RHBDL2: variants seen among roughly 807,000 people sequenced by gnomAD.
RHBDL2 encodes rhomboid like 2.
RHBDL2 carries 26 observed loss-of-function variants against 31.7 expected under a neutral mutation model. That is an observed-to-expected ratio of 0.82 (90% CI 0.60 to 1.14). The LOEUF is 1.14. Among genes scored for constraint, RHBDL2 ranks in the 50% most tolerant of loss-of-function variants. The pLI, the probability that RHBDL2 is intolerant of heterozygous loss-of-function variation, is 0.00. For missense variants in RHBDL2, 336 were observed against 364.4 expected (o/e 0.92, Z 0.63); for synonymous variants, 123 against 127.2 (o/e 0.97, Z 0.22).
At chr1:38,896,919 T>C (rs181524687) in intron 4 of RHBDL2, among the ~76,000 whole-genome samples, 99 of 152,256 alleles carry the variant, frequency 6.5e-4, no homozygotes, top group Non-Finnish European at 1.2e-3. Flanking sequence ...AAAGTGTCTG[T>C]CCTCAGTAAT....
intron 2 of RHBDL2, among the ~76,000 whole-genome samples, chr1:38,916,139 G>A (rs1643232530): frequency 6.6e-6 from 1 of 152,202 alleles, no homozygotes; most frequent in South Asian, 2.1e-4. Context: ...ACTTGCCAGG[G>A]GAGAGACCTG....
intron 3 of RHBDL2, among the ~76,000 whole-genome samples, chr1:38,913,860 T>C (rs1332547467): frequency 6.6e-6 from 1 of 152,186 alleles, no homozygotes; most frequent in Non-Finnish European, 1.5e-5. Flanking sequence ...GGCTCACGCC[T>C]GTAATCCCAG....
chr1:38,908,513 C>CAAAAA (rs35185971), intron 4 of RHBDL2, among the ~76,000 whole-genome samples: 2 of 66,876 alleles, frequency 3.0e-5, no homozygotes, highest in African/African-American at 6.0e-5. Context: ...ACTCCGTCTC[C>CAAAAA]AAAAAAAAAA....
intron 5 of RHBDL2, among the ~76,000 whole-genome samples, chr1:38,894,945 T>G (rs1447862546): frequency 2.6e-5 from 4 of 152,166 alleles, no homozygotes; most frequent in Non-Finnish European, 5.9e-5. Flanking sequence ...GACCTCATGA[T>G]CCACTCACCT....
intron 3 of RHBDL2, among the ~76,000 whole-genome samples, chr1:38,912,393 C>T (rs1225409573): frequency 3.3e-5 from 5 of 151,222 alleles, no homozygotes; most frequent in Admixed American, 2.6e-4. Context: ...GCATGAGCCA[C>T]CGCGCCTGGC....
chr1:38,934,086 G>T lies in RHBDL2; in HGVS notation c.-126+7596C>A, dbSNP rs1007893901. On this transcript the variant is annotated intron_variant, in intron 1 of 7. Transcript: ENST00000372990. ...AAGAATGTCAGGTGTGGTGGCTGAC[G>T]CATATAATCCCAGCACTTTGGGAAA... is the stretch of plus-strand genomic sequence containing the variant. Among the ~76,000 whole-genome samples, 8 of 152,074 alleles carry T rather than the reference G, an allele frequency of 5.3e-5. 1 individual carries two copies. The highest frequency in any genetic ancestry group is 1.0e-4 in the Non-Finnish European group (7 of 68,022).
At chr1:38,932,069 A>T (rs1643444973) in intron 1 of RHBDL2, among the ~76,000 whole-genome samples, 1 of 152,048 alleles carries the variant, frequency 6.6e-6, no homozygotes, top group Non-Finnish European at 1.5e-5. Context: ...CTCCTTTGGG[A>T]ATGCTTCCTC....
chr1:38,901,588 C>G (rs563200796), intron 4 of RHBDL2, among the ~76,000 whole-genome samples: 1 of 151,838 alleles, frequency 6.6e-6, no homozygotes, highest in Admixed American at 6.5e-5. Flanking sequence ...ATAATCCCAG[C>G]ACTTTGGGAG....
intron 4 of RHBDL2, among the ~76,000 whole-genome samples, chr1:38,904,902 G>T (rs1361406897): frequency 6.7e-6 from 1 of 149,206 alleles, no homozygotes; most frequent in Non-Finnish European, 1.5e-5. Flanking sequence ...GTGGTAGCGG[G>T]CGCCTGTAGT....
chr1:38,901,103 T>C (rs991057220), intron 4 of RHBDL2, among the ~76,000 whole-genome samples: 1 of 151,568 alleles, frequency 6.6e-6, no homozygotes, highest in Non-Finnish European at 1.5e-5. Flanking sequence ...ATTAAAAAAG[T>C]ATTTACAGGA....
At position 38,932,027 on chromosome 1, in the gene RHBDL2, G is replaced by A. The variant is rs78346878; in HGVS notation, c.-126+9655C>T. Among the ~76,000 whole-genome samples, 381 of 152,230 alleles carry A rather than the reference G, an allele frequency of 2.5e-3. 1 individual carries two copies. The highest frequency in any genetic ancestry group is 8.9e-3 in the African/African-American group (369 of 41,532). On this transcript the variant is annotated intron_variant, in intron 1 of 7. Coordinates refer to ENST00000372990, the MANE Select transcript of RHBDL2 (RefSeq NM_017821.5). ...GCTATGCTGGATACTTTGCAGGGCC[G>A]GGCCTTAACAGCTATGTGGTCCCCA...
intron 4 of RHBDL2, among the ~76,000 whole-genome samples, chr1:38,898,093 T>C (rs551582243): frequency 1.0e-3 from 158 of 152,266 alleles, no homozygotes; most frequent in African/African-American, 3.3e-3. Flanking sequence ...ATGGCGCCAC[T>C]GCACCCCAGC....
chr1:38,887,998 AG>A lies in RHBDL2; in HGVS notation c.696del (p.Tyr233IlefsTer41). 6.2e-7 allele frequency: 1 copy of A among 1,613,086 alleles called. No individual in the cohort carries two copies. Among genetic ancestry groups the A allele is most frequent in the Non-Finnish European group, 8.5e-7 (1 of 1,179,112 alleles). ...LIIVLDMGFALYRRFFVPEDG... is the reference protein window; with the variant it reads ...LIIVLDMGFAXYRRFFVPEDG... ...TCTTCAGGAACAAAGAACCTTCTAT[AG>A]AGAGCAAATCCCATGTCCAACACAA... On this transcript the variant is annotated frameshift_variant, in exon 7 of 8. Transcript: ENST00000372990. LOFTEE classifies it high-confidence loss of function.
chr1:38,891,947 G>A (rs978899547), intron 6 of RHBDL2, among the ~76,000 whole-genome samples: 9 of 152,258 alleles, frequency 5.9e-5, no homozygotes, highest in African/African-American at 1.2e-4. Flanking sequence ...ACTGGAGCAG[G>A]TCTGTCAACA....
intron 4 of RHBDL2, among the ~76,000 whole-genome samples, chr1:38,904,689 T>TTA (rs747300854): frequency 0.055 from 8,068 of 147,246 alleles, 250 homozygotes; most frequent in Non-Finnish European, 0.063. Flanking sequence ...ACATATATAT[T>TTA]TATATATATA....
chr1:38,930,633 G>T (rs1643429660), intron 1 of RHBDL2, among the ~76,000 whole-genome samples: 1 of 152,166 alleles, frequency 6.6e-6, no homozygotes, highest in Non-Finnish European at 1.5e-5. Context: ...TAGTCTGAAA[G>T]AATTCCCAAA....
chr1:38,920,605 CT>C (rs1643299707), intron 1 of RHBDL2, among the ~76,000 whole-genome samples: 1 of 141,624 alleles, frequency 7.1e-6, no homozygotes, highest in Admixed American at 7.1e-5. Context: ...TACAAGTTTT[CT>C]CTTTTTTTTT....
At chr1:38,935,787 A>G (rs1201224587) in intron 1 of RHBDL2, among the ~76,000 whole-genome samples, 1 of 151,628 alleles carries the variant, frequency 6.6e-6, no homozygotes, top group Non-Finnish European at 1.5e-5. Flanking sequence ...TAACTTTTGT[A>G]TTTTTTTGTA....
intron 1 of RHBDL2, among the ~76,000 whole-genome samples, chr1:38,938,079 A>G (rs7553264): frequency 0.94 from 143,403 of 151,890 alleles, 67,753 homozygotes; most frequent in African/African-American, 0.98. Context: ...GTGCAGCGGC[A>G]CAATCTTGAC....
Sources: allele counts gnomAD v4.1 joint callset (sites outside exome capture counted in the v4.1 genomes callset), GRCh38; gene constraint gnomAD v4.1.1; transcripts MANE v1.5; gene names NCBI Gene and HGNC (gene_info 2026-07-23, HGNC 2026-07-21).